Variants in UBE2H observed in about 807,000 individuals in gnomAD.
UBE2H encodes ubiquitin conjugating enzyme E2 H.
Under a neutral mutation model 29.0 loss-of-function variants are expected in UBE2H, and 3 were observed. The ratio of observed to expected loss-of-function variants is 0.10; its 90% CI spans 0.05 to 0.27. UBE2H has a LOEUF of 0.27. Among genes scored for constraint, UBE2H ranks in the 10% least tolerant of loss-of-function variants. The pLI is 1.00. For missense variants in UBE2H, 68 were observed against 228.2 expected (o/e 0.30, Z 4.52); for synonymous variants, 69 against 82.9 (o/e 0.83, Z 0.91).
chr7:129,887,479 C>T (rs1806387109), intron 1 of UBE2H, among the ~76,000 whole-genome samples: 1 of 152,022 alleles, frequency 6.6e-6, no homozygotes, highest in African/African-American at 2.4e-5. Context: ...CTCAGCCTCC[C>T]AAAGTGTTGG....
At chr7:129,838,718 C>A (rs1209889632) in intron 6 of UBE2H, among the ~76,000 whole-genome samples, 1 of 152,140 alleles carries the variant, frequency 6.6e-6, no homozygotes, top group Non-Finnish European at 1.5e-5. Flanking sequence ...AGGCTCACTG[C>A]AACCTCTGCT....
intron 3 of UBE2H, among the ~76,000 whole-genome samples, chr7:129,876,913 A>C (rs1368846939): frequency 6.6e-6 from 1 of 152,198 alleles, no homozygotes; most frequent in African/African-American, 2.4e-5. Context: ...AGCCCTCTAA[A>C]ACTATATTTG....
At chr7:129,862,583 G>A (rs1805822433) in intron 3 of UBE2H, among the ~76,000 whole-genome samples, 1 of 152,304 alleles carries the variant, frequency 6.6e-6, no homozygotes, top group East Asian at 1.9e-4. Flanking sequence ...AAAGTGACTT[G>A]CTTTGAAGGA....
intron 1 of UBE2H, among the ~76,000 whole-genome samples, chr7:129,911,587 T>C (rs1806938893): frequency 6.6e-6 from 1 of 152,134 alleles, no homozygotes; most frequent in Non-Finnish European, 1.5e-5. Flanking sequence ...GCACCTACAC[T>C]AACCTAGAGT....
intron 1 of UBE2H, among the ~76,000 whole-genome samples, chr7:129,904,059 C>T (rs1806768775): frequency 6.6e-6 from 1 of 152,178 alleles, no homozygotes. Flanking sequence ...ACTGTATCGA[C>T]AGCTGTCTAA....
chr7:129,941,775 A>C (rs1231526208), intron 1 of UBE2H, among the ~76,000 whole-genome samples: 1 of 152,172 alleles, frequency 6.6e-6, no homozygotes, highest in African/African-American at 2.4e-5. Flanking sequence ...AATGTCCATA[A>C]GATAAATTGT....
chr7:129,952,701 G>A lies in UBE2H; in HGVS notation c.-146C>T. On this transcript the variant is annotated 5_prime_UTR_variant, in exon 1 of 7. Transcript: ENST00000355621. The stretch of plus-strand genomic sequence containing the variant: ...GGCGGTCCCGTCAGCCGCCGCCGCC[G>A]CCCCCCGCACGGGGGAACACCGGGC... 2.7e-6 allele frequency: 2 copies of A among 736,872 alleles called. No homozygotes were observed. Among genetic ancestry groups the A allele is most frequent in the Non-Finnish European group, 3.9e-6 (2 of 515,688 alleles). The allele number at this position is 736,872 out of a possible 1,614,324, so 45.6% of individuals were successfully genotyped here.
At chr7:129,901,952 TG>T (rs555377000) in intron 1 of UBE2H, among the ~76,000 whole-genome samples, 74 of 151,992 alleles carry the variant, frequency 4.9e-4, no homozygotes, top group Non-Finnish European at 9.7e-4. Context: ...GCAAGTTTGG[TG>T]GGGGAGCGGG....
At chr7:129,951,417 C>T (rs1023201218) in intron 1 of UBE2H, 6 of 152,088 alleles carry the variant, frequency 3.9e-5, no homozygotes, top group East Asian at 1.9e-4. Context: ...CTCTAAGCCC[C>T]CACTTGCCCC....
chr7:129,916,561 A>G (rs546615625), intron 1 of UBE2H, among the ~76,000 whole-genome samples: 1 of 151,968 alleles, frequency 6.6e-6, no homozygotes, highest in Admixed American at 6.6e-5. Context: ...GTTCACATCT[A>G]CAAGCCTTAC....
intron 1 of UBE2H, among the ~76,000 whole-genome samples, chr7:129,927,310 G>A (rs747158114): frequency 7.2e-5 from 11 of 152,182 alleles, no homozygotes; most frequent in Non-Finnish European, 1.5e-4. Context: ...GAGAGGCAGA[G>A]GGGGGTGGAT....
intron 3 of UBE2H, among the ~76,000 whole-genome samples, chr7:129,860,320 T>A (rs374671351): frequency 2.0e-5 from 3 of 152,208 alleles, no homozygotes; most frequent in African/African-American, 7.2e-5. Context: ...CTATGTGATG[T>A]TTAAGTTACT....
chr7:129,948,271 T>TC (rs1341400084), intron 1 of UBE2H, among the ~76,000 whole-genome samples: 2 of 152,154 alleles, frequency 1.3e-5, no homozygotes, highest in South Asian at 2.1e-4. Context: ...TCCTCCCGCC[T>TC]CAGCCTCCCA....
chr7:129,945,634 C>T (rs1807746703), intron 1 of UBE2H, among the ~76,000 whole-genome samples: 1 of 151,996 alleles, frequency 6.6e-6, no homozygotes, highest in Non-Finnish European at 1.5e-5. Flanking sequence ...AGAAATAACC[C>T]AAAGAAAAGC....
At chr7:129,879,147 T>C (rs958152966) in intron 3 of UBE2H, among the ~76,000 whole-genome samples, 21 of 152,154 alleles carry the variant, frequency 1.4e-4, no homozygotes, top group Non-Finnish European at 5.9e-5. Context: ...TACCCAGAGT[T>C]GGAGTGAACA....
At chr7:129,950,538 G>A (rs1563056651) in intron 1 of UBE2H, among the ~76,000 whole-genome samples, 1 of 151,976 alleles carries the variant, frequency 6.6e-6, no homozygotes, top group Admixed American at 6.6e-5. Flanking sequence ...AAGGCATCAG[G>A]TCAAGTTAGG....
intron 5 of UBE2H, chr7:129,856,887 C>T (rs1805715198): frequency 6.6e-6 from 1 of 152,152 alleles, no homozygotes; most frequent in Non-Finnish European, 1.5e-5. Flanking sequence ...CAAGAGATGA[C>T]TGTATTTTAA....
intron 1 of UBE2H, among the ~76,000 whole-genome samples, chr7:129,924,389 A>G (rs2116476962): frequency 6.6e-6 from 1 of 152,282 alleles, no homozygotes; most frequent in East Asian, 1.9e-4. Context: ...TAAAATTCCA[A>G]ATGAAGGTGT....
At chr7:129,863,145 C>T (rs1380881336) in intron 3 of UBE2H, among the ~76,000 whole-genome samples, 2 of 152,178 alleles carry the variant, frequency 1.3e-5, no homozygotes, top group South Asian at 4.1e-4. Context: ...AGTGTCTATA[C>T]AGTTTTCAAT....
Sources: allele counts gnomAD v4.1 joint callset (sites outside exome capture counted in the v4.1 genomes callset), GRCh38; gene constraint gnomAD v4.1.1; transcripts MANE v1.5; gene names NCBI Gene and HGNC (gene_info 2026-07-23, HGNC 2026-07-21).